The following ALDH6A1 variants were observed in gnomAD, a reference collection of about 807,000 sequenced individuals.
The protein encoded by ALDH6A1 is methylmalonate-semialdehyde/malonate-semialdehyde dehydrogenase [acylating], mitochondrial.
In ALDH6A1, 43 loss-of-function variants were observed where a neutral mutation model predicts 62.6. The ratio of observed to expected loss-of-function variants is 0.69; its 90% CI spans 0.54 to 0.89. ALDH6A1 has a LOEUF of 0.89. Among genes scored for constraint, ALDH6A1 ranks in the 40% least tolerant of loss-of-function variants. ALDH6A1 has a pLI of 0.00. For missense variants in ALDH6A1, 551 were observed against 661.3 expected, an observed-to-expected ratio of 0.83 and a Z score of 1.83; for synonymous variants, 194 against 234.2, an observed-to-expected ratio of 0.83 and a Z score of 1.57.
Position 74,057,672 on chromosome 14 carries a change from T to C in ALDH6A1, c.*2970A>G. ...TTTTTTTAAGCCAAGTTTTTCTCTT[T>C]AAGAGTTTTTAATTTATAATTTGTT... On this transcript the variant is annotated 3_prime_UTR_variant, in exon 12 of 12. Coordinates refer to ENST00000553458, the MANE Select transcript of ALDH6A1 (RefSeq NM_005589.4). The C allele has an allele frequency of 7.7e-7, 1 of 1,302,608 alleles. No individual in the cohort carries two copies. The highest frequency in any genetic ancestry group is 1.0e-6 in the Non-Finnish European group (1 of 1,002,880). 80.7% of individuals were successfully genotyped at this position (1,302,608 alleles called of 1,614,324 possible).
chr14:74,064,939 G>A lies in ALDH6A1; in HGVS notation c.1405-19C>T, dbSNP rs566373950. On this transcript the variant is annotated intron_variant, in intron 10 of 11. Coordinates refer to ENST00000553458, the MANE Select transcript of ALDH6A1 (RefSeq NM_005589.4). ...CTCCCACCTAAAACAGAACAAATCC[G>A]TGTCATATCCTAAGGACAAAGGAAC... 29 of 1,603,412 alleles carry A rather than the reference G, an allele frequency of 1.8e-5. No homozygotes were observed. Among genetic ancestry groups the A allele is most frequent in the Middle Eastern group, 1.7e-4 (1 of 6,022 alleles).
At position 74,056,888 on chromosome 14, in the gene ALDH6A1, G is replaced by A. The variant is rs745512041; in HGVS notation, c.*3754C>T. The A allele has an allele frequency of 4.4e-6, 7 of 1,582,002 alleles. No individual in the cohort carries two copies. The highest frequency in any genetic ancestry group is 3.4e-5 in the Admixed American group (2 of 58,866). Reference sequence around the variant, plus strand: ...CACTGCCTCATTCATTATCTTTGTTGACTTTTACCCACTACAGGAAATACA... The same window carrying A: ...CACTGCCTCATTCATTATCTTTGTTAACTTTTACCCACTACAGGAAATACA... On this transcript the variant is annotated 3_prime_UTR_variant, in exon 12 of 12. Coordinates refer to ENST00000553458, the MANE Select transcript of ALDH6A1 (RefSeq NM_005589.4).
Position 74,067,410 on chromosome 14 carries a change from C to G in ALDH6A1, c.1012G>C (p.Glu338Gln). Reference protein sequence around the residue: ...EAKKWLPELVEHAKNLRVNAG... With the variant: ...EAKKWLPELVQHAKNLRVNAG... Reference sequence around the variant, plus strand: ...TTGACTCTCAGGTTTTTGGCATGCTCCACCAGCTCTGGCAGCCACTTCTTG... The same window carrying G: ...TTGACTCTCAGGTTTTTGGCATGCTGCACCAGCTCTGGCAGCCACTTCTTG... The change falls in exon 8 of 12, where the codon GAG (glutamate) becomes CAG (glutamine). Residue 338 changes from glutamate to glutamine, a missense_variant. By Grantham distance (29) the Glu-to-Gln change is conservative. Transcript: ENST00000553458. The G allele has an allele frequency of 2.5e-6, 4 of 1,613,794 alleles. No homozygotes were observed. Among genetic ancestry groups the G allele is most frequent in the Non-Finnish European group, 3.4e-6 (4 of 1,180,038 alleles).
chr14:74,072,630 C>A lies in ALDH6A1; in HGVS notation c.112-19G>T, dbSNP rs758365423. ...CAGTTGGCTGAAAAAAACAAACAAA[C>A]AAACAAACAAACAAAAACATGAAAC... On this transcript the variant is annotated intron_variant, in intron 2 of 11. Coordinates refer to ENST00000553458, the MANE Select transcript of ALDH6A1 (RefSeq NM_005589.4). The A allele has an allele frequency of 3.7e-5, 59 of 1,610,740 alleles. No homozygotes were observed. Among genetic ancestry groups the A allele is most frequent in the Non-Finnish European group, 4.6e-5 (54 of 1,179,412 alleles).
At chr14:74,075,871 T>A (rs889591202) in intron 1 of ALDH6A1, among the ~76,000 whole-genome samples, 3 of 152,184 alleles carry the variant, frequency 2.0e-5, no homozygotes, top group Admixed American at 6.6e-5. Context: ...TAATGTGGTA[T>A]ATTCATACAC....
At chr14:74,083,950 G>A (rs2060695832) in intron 1 of ALDH6A1, among the ~76,000 whole-genome samples, 2 of 152,182 alleles carry the variant, frequency 1.3e-5, no homozygotes, top group South Asian at 4.1e-4. Context: ...CTCACGGCAG[G>A]GGACAGAGTA....
chr14:74,075,988 G>A (rs1167821501), intron 1 of ALDH6A1, among the ~76,000 whole-genome samples: 1 of 152,210 alleles, frequency 6.6e-6, no homozygotes, highest in Non-Finnish European at 1.5e-5. Flanking sequence ...AGTACATACT[G>A]TATGATTCTA....
intron 11 of ALDH6A1, chr14:74,064,603 C>A: frequency 7.5e-7 from 1 of 1,325,912 alleles, no homozygotes; most frequent in Non-Finnish European, 1.1e-6. Context: ...CTTCCCCATG[C>A]TCTTTCCTCA....
In ALDH6A1 at chr14:74,084,333, C is replaced by A; in HGVS notation, c.48+14G>T. 1 of 1,613,734 alleles carries A rather than the reference C, an allele frequency of 6.2e-7. No homozygotes were observed. Among genetic ancestry groups the A allele is most frequent in the Admixed American group, 1.7e-5 (1 of 60,008 alleles). ...TTCCTAGCTTCATGGTGCCTTGGCACCACCCTCACTCGCCTGCAGGATCCG... is the reference window on the plus strand; with the variant it reads ...TTCCTAGCTTCATGGTGCCTTGGCAACACCCTCACTCGCCTGCAGGATCCG... On this transcript the variant is annotated intron_variant, in intron 1 of 11. Transcript: ENST00000553458.
At chr14:74,069,104 T>TTC (rs1481959382) in intron 6 of ALDH6A1, 123 bp from the exon 7 acceptor site, 45 of 738,574 alleles carry the variant, frequency 6.1e-5, no homozygotes, top group East Asian at 5.5e-4. Context: ...ACTTTTTCTT[T>TTC]TTTTTTTTTT....
At chr14:74,082,286 G>A (rs974114252) in intron 1 of ALDH6A1, among the ~76,000 whole-genome samples, 7 of 151,846 alleles carry the variant, frequency 4.6e-5, no homozygotes, top group Admixed American at 2.6e-4. Context: ...ACTACTCTTC[G>A]TGGCAGAGAA....
In ALDH6A1 at chr14:74,059,182, G is replaced by A; in HGVS notation, c.*1460C>T. 1 of 219,618 alleles carries A rather than the reference G, an allele frequency of 4.6e-6. No homozygotes were observed. The highest frequency in any genetic ancestry group is 5.1e-5 in the South Asian group (1 of 19,554). The allele number at this position is 219,618 out of a possible 1,614,324, so 13.6% of individuals were successfully genotyped here. On this transcript the variant is annotated 3_prime_UTR_variant, in exon 12 of 12. Coordinates refer to ENST00000553458, the MANE Select transcript of ALDH6A1 (RefSeq NM_005589.4). ...TTTTAACCACTTTATGTCATGGAAAGCTTCGAAATTTCTTAGGCCCAGTTA... is the reference window on the plus strand; with the variant it reads ...TTTTAACCACTTTATGTCATGGAAAACTTCGAAATTTCTTAGGCCCAGTTA...
At chr14:74,080,292 T>C (rs1208666588) in intron 1 of ALDH6A1, among the ~76,000 whole-genome samples, 1 of 151,890 alleles carries the variant, frequency 6.6e-6, no homozygotes, top group Non-Finnish European at 1.5e-5. Flanking sequence ...TCCCAGTCTA[T>C]ACCATCATTG....
chr14:74,077,234 A>G (rs2060622201), intron 1 of ALDH6A1, among the ~76,000 whole-genome samples: 1 of 152,194 alleles, frequency 6.6e-6, no homozygotes, highest in African/African-American at 2.4e-5. Flanking sequence ...ATAAAATAGA[A>G]GCCCATTCCT....
Position 74,057,779 on chromosome 14 carries a change from C to A in ALDH6A1, c.*2863G>T, listed in dbSNP as rs1595096245. The A allele has an allele frequency of 9.2e-7, 1 of 1,090,802 alleles. No individual in the cohort carries two copies. The highest frequency in any genetic ancestry group is 7.7e-5 in the East Asian group (1 of 12,950). The allele number at this position is 1,090,802 out of a possible 1,614,324, so 67.6% of individuals were successfully genotyped here. ...CAAAAAGAAAATACTGACTTTTTAG[C>A]CGCGATCACATGAATATAACTGATG... On this transcript the variant is annotated 3_prime_UTR_variant, in exon 12 of 12. Transcript: ENST00000553458.
At position 74,057,907 on chromosome 14, in the gene ALDH6A1, A is replaced by G; in HGVS notation, c.*2735T>C. 1 of 995,660 alleles carries G rather than the reference A, an allele frequency of 1.0e-6. No individual in the cohort carries two copies. Among genetic ancestry groups the G allele is most frequent in the Non-Finnish European group, 1.2e-6 (1 of 836,300 alleles). The allele number at this position is 995,660 out of a possible 1,614,324, so 61.7% of individuals were successfully genotyped here. ...ACAGTTCTGATTAGTGTGTTTTTTTAGAAGTGATTTCCCTTAAATATAAGG... is the reference window on the plus strand; with the variant it reads ...ACAGTTCTGATTAGTGTGTTTTTTTGGAAGTGATTTCCCTTAAATATAAGG... On this transcript the variant is annotated 3_prime_UTR_variant, in exon 12 of 12. Transcript: ENST00000553458.
At position 74,078,648 on chromosome 14, in the gene ALDH6A1, T is replaced by C. The variant is rs867008258; in HGVS notation, c.49-3631A>G. ...GTTCAAGTGATTCTCCTGCCTCAGC[T>C]TTCTGAGTAGCTGGGATTACAGGCA... On this transcript the variant is annotated intron_variant, in intron 1 of 11. Transcript: ENST00000553458. 7.0e-3 allele frequency among the ~76,000 whole-genome samples: 1,047 copies of C among 150,486 alleles called. 17 individuals carry two copies. Among genetic ancestry groups the C allele is most frequent in the African/African-American group, 0.024 (964 of 40,022 alleles).
chr14:74,061,324 C>CAG (rs1331790529), intron 11 of ALDH6A1, among the ~76,000 whole-genome samples: 1 of 133,200 alleles, frequency 7.5e-6, no homozygotes, highest in Non-Finnish European at 1.6e-5. Context: ...TATTTTGAGA[C>CAG]AGAGTCTTGC....
Position 74,059,172 on chromosome 14 carries a change from GTCATGGAAA to G in ALDH6A1, c.*1461_*1469del. The stretch of plus-strand genomic sequence containing the variant: ...AAGCATTTTTTTTTAACCACTTTAT[GTCATGGAAA>G]GCTTCGAAATTTCTTAGGCCCAGTT... On this transcript the variant is annotated 3_prime_UTR_variant, in exon 12 of 12. Coordinates refer to ENST00000553458, the MANE Select transcript of ALDH6A1 (RefSeq NM_005589.4). The G allele has an allele frequency of 4.6e-6, 1 of 219,300 alleles. No homozygotes were observed. Among genetic ancestry groups the G allele is most frequent in the African/African-American group, 2.4e-5 (1 of 41,646 alleles). The allele number at this position is 219,300 out of a possible 1,614,324, so 13.6% of individuals were successfully genotyped here.
Sources: gnomAD v4.1 joint callset for allele counts (sites outside exome capture counted in the v4.1 genomes callset) on GRCh38, gnomAD v4.1.1 for gene constraint, MANE v1.5 for transcripts, NCBI Gene and HGNC (gene_info 2026-07-23, HGNC 2026-07-21) for gene names.